The following ARHGDIB variants were observed in gnomAD, a reference collection of about 807,000 sequenced individuals.
ARHGDIB encodes rho GDP-dissociation inhibitor 2.
In ARHGDIB, 20 loss-of-function variants were observed where a neutral mutation model predicts 22.6. The observed-to-expected ratio is 0.88, with a 90% confidence interval of 0.62 to 1.28. ARHGDIB has a LOEUF of 1.28. ARHGDIB is among the 50% of genes most tolerant of loss of function. ARHGDIB has a pLI of 0.00. For missense variants in ARHGDIB, 254 were observed against 245.4 expected (o/e 1.04, Z -0.23); for synonymous variants, 114 against 96.1 (o/e 1.19, Z -1.09).
In ARHGDIB at chr12:14,942,636, C is replaced by T; in HGVS notation, c.492G>A (p.Lys164=). 1 of 1,614,104 alleles carries T rather than the reference C, an allele frequency of 6.2e-7. No individual in the cohort carries two copies. Residue 164 remains lysine, a synonymous_variant, in exon 6 of 6, where the codon AAG becomes AAA. Coordinates refer to ENST00000228945, the MANE Select transcript of ARHGDIB (RefSeq NM_001175.7). ...GGTACGTGCCTCGCGCCAGCATGCCCTTGGGAGCCTCCTCAACTGGAGTGA... is the reference window on the plus strand; with the variant it reads ...GGTACGTGCCTCGCGCCAGCATGCCTTTGGGAGCCTCCTCAACTGGAGTGA... ...EFLTPVEEAP[K]GMLARGTYHN...
In ARHGDIB at chr12:14,947,937, G is replaced by C; in HGVS notation, c.278C>G (p.Ala93Gly). Residue 93 changes from alanine (A) to glycine (G), a missense_variant, in exon 4 of 6, where the codon GCC becomes GGC. Physicochemically the swap from Ala to Gly is moderately conservative, Grantham distance 60. Coordinates refer to ENST00000228945, the MANE Select transcript of ARHGDIB (RefSeq NM_001175.7). ...ITMDLTGDLE[A>G]LKKETIVLKE... The stretch of plus-strand genomic sequence containing the variant: ...TAACACAATGGTTTCCTTTTTGAGG[G>C]CTTCCAGATCTCCTGTAGAAGAAGA... 1 of 1,611,634 alleles carries C rather than the reference G, an allele frequency of 6.2e-7. No homozygotes were observed. Among genetic ancestry groups the C allele is most frequent in the Non-Finnish European group, 8.5e-7 (1 of 1,177,802 alleles).
chr12:14,957,366 A>G (rs1864324180), intron 1 of ARHGDIB, among the ~76,000 whole-genome samples: 1 of 152,146 alleles, frequency 6.6e-6, no homozygotes, highest in South Asian at 2.1e-4. Flanking sequence ...TTTGTTGCAA[A>G]GCTTCACTGA....
chr12:14,956,543 G>A (rs922572228), intron 1 of ARHGDIB, among the ~76,000 whole-genome samples: 2 of 152,092 alleles, frequency 1.3e-5, no homozygotes, highest in Non-Finnish European at 2.9e-5. Flanking sequence ...TTCTACAAAG[G>A]GCAGAGCTGA....
At chr12:14,943,343 G>A (rs940073600) in intron 5 of ARHGDIB, among the ~76,000 whole-genome samples, 1 of 151,348 alleles carries the variant, frequency 6.6e-6, no homozygotes, top group East Asian at 1.9e-4. Flanking sequence ...TAAAGTTGGG[G>A]AACCAGTGGC....
At chr12:14,944,990 T>C in intron 4 of ARHGDIB, 151 bp from the exon 5 acceptor site, 2 of 583,348 alleles carry the variant, frequency 3.4e-6, no homozygotes, top group Middle Eastern at 2.9e-4. Context: ...TTATTTAGCA[T>C]GGCTGTGAGG....
At chr12:14,957,446 T>C (rs1864325797) in intron 1 of ARHGDIB, among the ~76,000 whole-genome samples, 1 of 152,182 alleles carries the variant, frequency 6.6e-6, no homozygotes, top group Non-Finnish European at 1.5e-5. Context: ...CCTTCCTCCT[T>C]AAAAATAGAT....
chr12:14,955,397 G>A (rs1473691022), intron 1 of ARHGDIB, among the ~76,000 whole-genome samples: 1 of 152,162 alleles, frequency 6.6e-6, no homozygotes, highest in African/African-American at 2.4e-5. Flanking sequence ...GTATTAACAA[G>A]AGATTGATAT....
At chr12:14,949,653 G>T in intron 3 of ARHGDIB, 149 bp downstream of exon 3, 1 of 681,058 alleles carries the variant, frequency 1.5e-6, no homozygotes, top group Non-Finnish European at 2.6e-6. Flanking sequence ...TAAATACTGT[G>T]CACTCTAAGA....
intron 3 of ARHGDIB, 89 bp from the exon 4 acceptor site, chr12:14,948,038 GC>G (rs1864065324): frequency 6.0e-6 from 6 of 998,936 alleles, no homozygotes; most frequent in African/African-American, 4.8e-5. Flanking sequence ...AATTTGTTGG[GC>G]CCACGAGGGC....
chr12:14,950,627 T>C lies in ARHGDIB; in HGVS notation c.86A>G (p.Gln29Arg). The C allele has an allele frequency of 6.2e-7, 1 of 1,614,118 alleles. No individual in the cohort carries two copies. Among genetic ancestry groups the C allele is most frequent in the Non-Finnish European group, 8.5e-7 (1 of 1,179,968 alleles). ...TTCCTGCAGCTCTTTCAGGGACTTC[T>C]GTGGTGGAGGCTTATAATTGAGCTT... ...DSKLNYKPPPQKSLKELQEMD... is the reference protein window; with the variant it reads ...DSKLNYKPPPRKSLKELQEMD... Residue 29 changes from glutamine to arginine, a missense_variant, in exon 2 of 6, where the codon CAG becomes CGG. By Grantham distance (43) the Gln-to-Arg change is conservative (BLOSUM62 1). Coordinates refer to ENST00000228945, the MANE Select transcript of ARHGDIB (RefSeq NM_001175.7).
At chr12:14,949,510 G>T (rs1864115595) in intron 3 of ARHGDIB, among the ~76,000 whole-genome samples, 1 of 152,118 alleles carries the variant, frequency 6.6e-6, no homozygotes, top group African/African-American at 2.4e-5. Flanking sequence ...ATTTCCATCA[G>T]CAGTCTTTAT....
intron 4 of ARHGDIB, 174 bp downstream of exon 4, chr12:14,947,699 C>T (rs746481939): frequency 2.6e-5 from 15 of 579,392 alleles, no homozygotes; most frequent in Admixed American, 1.2e-4. Flanking sequence ...AGGAGGCAAA[C>T]GTGGGTCTCA....
rs183196089 is a variant in ARHGDIB at position 14,960,624 on chromosome 12, C to T, written c.-13+913G>A. On this transcript the variant is annotated intron_variant, in intron 1 of 5. Transcript: ENST00000228945. ...GTTCAAGTGATTCTCCTGCCTCAGC[C>T]TCCCAAATAACTGGGATTACAGGGA... Among the ~76,000 whole-genome samples the T allele has an allele frequency of 6.2e-3, 943 of 152,270 alleles. 9 individuals are homozygous for T. The highest frequency in any genetic ancestry group is 0.022 in the African/African-American group (907 of 41,544).
chr12:14,957,783 G>A (rs367752127), intron 1 of ARHGDIB, among the ~76,000 whole-genome samples: 69 of 151,986 alleles, frequency 4.5e-4, no homozygotes, highest in African/African-American at 1.6e-3. Context: ...TAGACACACA[G>A]GCCATGGATA....
intron 1 of ARHGDIB, among the ~76,000 whole-genome samples, chr12:14,957,530 C>T (rs1358458663): frequency 6.6e-6 from 1 of 152,176 alleles, no homozygotes; most frequent in Non-Finnish European, 1.5e-5. Flanking sequence ...ACTGAATCAA[C>T]CTTAAAATGA....
chr12:14,943,933 A>G (rs934532071), intron 5 of ARHGDIB, among the ~76,000 whole-genome samples: 1 of 152,224 alleles, frequency 6.6e-6, no homozygotes, highest in African/African-American at 2.4e-5. Context: ...TCATGAGACT[A>G]GGTATCGGAA....
In ARHGDIB at chr12:14,942,325, G is replaced by A. The variant is rs888738495; in HGVS notation, c.*197C>T. 12 of 603,338 alleles carry A rather than the reference G, an allele frequency of 2.0e-5. No homozygotes were observed. The highest frequency in any genetic ancestry group is 4.5e-4 in the Middle Eastern group (1 of 2,230). 37.4% of individuals were successfully genotyped at this position (603,338 alleles called of 1,614,324 possible). On this transcript the variant is annotated 3_prime_UTR_variant, in exon 6 of 6. Transcript: ENST00000228945. ...CCCTGATGGAGGATCAGAGGGAGCA[G>A]GTTGGGTGAAAGCCCGGTTTTAAGC... is the stretch of plus-strand genomic sequence containing the variant.
chr12:14,959,549 T>A (rs575872335), intron 1 of ARHGDIB, among the ~76,000 whole-genome samples: 1 of 152,330 alleles, frequency 6.6e-6, no homozygotes, highest in African/African-American at 2.4e-5. Flanking sequence ...GGTTCTCCTT[T>A]TCTATCTGCA....
intron 3 of ARHGDIB, among the ~76,000 whole-genome samples, chr12:14,949,410 GT>G (rs1481014242): frequency 1.3e-5 from 2 of 152,056 alleles, no homozygotes; most frequent in East Asian, 3.9e-4. Context: ...TCACCTTCCA[GT>G]AAGTTTTGTA....
Sources: allele counts gnomAD v4.1 joint callset (sites outside exome capture counted in the v4.1 genomes callset), GRCh38; gene constraint gnomAD v4.1.1; transcripts MANE v1.5; gene names NCBI Gene and HGNC (gene_info 2026-07-23, HGNC 2026-07-21).